CCDC47: variants seen among roughly 807,000 people sequenced by gnomAD.
The protein encoded by CCDC47 is coiled-coil domain containing 47.
Under a neutral mutation model 60.5 loss-of-function variants are expected in CCDC47, and 41 were observed. The ratio of observed to expected loss-of-function variants is 0.68; its 90% CI spans 0.53 to 0.88. The LOEUF (loss-of-function observed/expected upper bound fraction) is 0.88, where lower values mean the gene tolerates loss of function less well. Ranked by LOEUF, CCDC47 falls within the 40% of genes least tolerant of loss-of-function variation. CCDC47 has a pLI of 0.00. For synonymous variants in CCDC47, 195 were observed against 190.7 expected (o/e 1.02, Z -0.18); for missense variants, 513 against 580.9 (o/e 0.88, Z 1.20).
intron 12 of CCDC47, among the ~76,000 whole-genome samples, chr17:63,749,406 A>C (rs1016157610): frequency 6.6e-6 from 1 of 151,014 alleles, no homozygotes; most frequent in Non-Finnish European, 1.5e-5. Flanking sequence ...AACAAAACAA[A>C]ACAAAACAAA....
At chr17:63,748,921 C>T (rs991208491) in intron 12 of CCDC47, among the ~76,000 whole-genome samples, 3 of 148,958 alleles carry the variant, frequency 2.0e-5, no homozygotes, top group African/African-American at 2.5e-5. Flanking sequence ...GGCTGAGGCA[C>T]GAGAATCACT....
chr17:63,767,092 A>G, intron 1 of CCDC47: 1 of 185,106 alleles, frequency 5.4e-6, no homozygotes, highest in Non-Finnish European at 1.0e-5. Context: ...ACTAATAAGG[A>G]AAATGGGGCA....
In CCDC47 at chr17:63,756,503, G is replaced by C; in HGVS notation, c.803C>G (p.Ala268Gly). Residue 268 changes from alanine (A) to glycine (G), a missense_variant, in exon 7 of 13, where the codon GCC becomes GGC. Coordinates refer to ENST00000225726, the MANE Select transcript of CCDC47 (RefSeq NM_020198.3). ...TYVFAVGTRK[A>G]LVRLQKEMQD... is the part of the protein sequence containing the mutation. ...CATCTCTTTCTGTAGTCGCACCAAG[G>C]CTTTCCGTGTGCCAACAGCAAATAC... 1.2e-6 allele frequency: 2 copies of C among 1,613,924 alleles called. No individual in the cohort carries two copies. Among genetic ancestry groups the C allele is most frequent in the South Asian group, 2.2e-5 (2 of 91,082 alleles).
At chr17:63,757,340 C>T (rs1483448903) in intron 6 of CCDC47, among the ~76,000 whole-genome samples, 1 of 149,098 alleles carries the variant, frequency 6.7e-6, no homozygotes. Context: ...GCACTCCATG[C>T]TAGGTGACAG....
chr17:63,771,657 T>C (rs1287485761), intron 1 of CCDC47, among the ~76,000 whole-genome samples: 2 of 152,224 alleles, frequency 1.3e-5, no homozygotes, highest in Non-Finnish European at 2.9e-5. Flanking sequence ...TCCTCTAAAT[T>C]ACTACCTGTT....
chr17:63,765,736 A>G (rs1487467916), intron 2 of CCDC47, 176 bp downstream of exon 2: 1 of 1,402,886 alleles, frequency 7.1e-7, no homozygotes, highest in African/African-American at 1.5e-5. Context: ...AACACAATTC[A>G]TTCTGTTAAT....
At chr17:63,756,674 C>T (rs1214128346) in intron 6 of CCDC47, 104 bp from the exon 7 acceptor site, 32 of 742,610 alleles carry the variant, frequency 4.3e-5, no homozygotes, top group Non-Finnish European at 2.5e-5. Flanking sequence ...TGCATATACT[C>T]TCCCTTTAAG....
chr17:63,765,104 A>ACAATATATTCTC, intron 2 of CCDC47: 2 of 214,122 alleles, frequency 9.3e-6, no homozygotes, highest in Non-Finnish European at 1.5e-5. Context: ...AAGAGAATAT[A>ACAATATATTCTC]TTGTAAGTAT....
At chr17:63,747,322 G>GTA in intron 12 of CCDC47, 1 of 984,058 alleles carries the variant, frequency 1.0e-6, no homozygotes. Context: ...TATCATAAAT[G>GTA]TATAACTGCC....
intron 6 of CCDC47, among the ~76,000 whole-genome samples, chr17:63,757,268 A>G (rs1353187343): frequency 2.0e-5 from 3 of 151,394 alleles, no homozygotes; most frequent in Non-Finnish European, 4.4e-5. Context: ...GCTACTCAAG[A>G]GGCTGAGGCA....
At chr17:63,758,967 G>T (rs905667983) in intron 6 of CCDC47, among the ~76,000 whole-genome samples, 1 of 151,520 alleles carries the variant, frequency 6.6e-6, no homozygotes, top group Non-Finnish European at 1.5e-5. Flanking sequence ...AGAGAGAGAG[G>T]GAATGAGAAC....
chr17:63,747,897 C>T, intron 12 of CCDC47: 1 of 556,240 alleles, frequency 1.8e-6, no homozygotes, highest in Non-Finnish European at 2.3e-6. Flanking sequence ...CTGTGTCACC[C>T]AGGCTGGAGT....
At position 63,752,766 on chromosome 17, in the gene CCDC47, C is replaced by T. The variant is rs1199335321; in HGVS notation, c.1068G>A (p.Lys356=). 1.9e-6 allele frequency: 3 copies of T among 1,612,590 alleles called. No homozygotes were observed. Among genetic ancestry groups the T allele is most frequent in the Non-Finnish European group, 2.5e-6 (3 of 1,179,350 alleles). The change falls in exon 10 of 13, where the codon AAG becomes AAA. Residue 356 remains lysine, a synonymous_variant. Coordinates refer to ENST00000225726, the MANE Select transcript of CCDC47 (RefSeq NM_020198.3). ...CATTAAATGTAAACAACAGTGTCCT[C>T]TTAGTGTCAGGTAGCTTTAAAGGCT... ...EGQPLKLPDT[K]RTLLFTFNVP...
chr17:63,755,550 TA>T (rs1438156924), intron 8 of CCDC47, among the ~76,000 whole-genome samples: 1 of 150,196 alleles, frequency 6.7e-6, no homozygotes, highest in Non-Finnish European at 1.5e-5. Context: ...TTTCTCAAAA[TA>T]ATGGTCGAAA....
At chr17:63,758,729 A>C (rs2039226656) in intron 6 of CCDC47, among the ~76,000 whole-genome samples, 1 of 152,144 alleles carries the variant, frequency 6.6e-6, no homozygotes, top group African/African-American at 2.4e-5. Flanking sequence ...TATTAATTAC[A>C]TCTTTAAATG....
rs1207537810 is a variant in CCDC47 at position 63,746,205 on chromosome 17, A to G, written c.*676T>C. ...CACTGGTTCGTGGTATCAGGTAAGG[A>G]AAAAATGATGCTCCTGTCCCTAGAA... On this transcript the variant is annotated 3_prime_UTR_variant, in exon 13 of 13. Coordinates refer to ENST00000225726, the MANE Select transcript of CCDC47 (RefSeq NM_020198.3). The G allele has an allele frequency of 1.3e-5, 2 of 152,226 alleles. No homozygotes were observed. Among genetic ancestry groups the G allele is most frequent in the African/African-American group, 4.8e-5 (2 of 41,452 alleles). 9.4% of individuals were successfully genotyped at this position (152,226 alleles called of 1,614,324 possible). A position where few individuals can be genotyped will look rare whatever the true frequency, so the allele number is the denominator to read the frequency against.
chr17:63,751,473 T>C (rs866696190), intron 12 of CCDC47, among the ~76,000 whole-genome samples: 32 of 140,742 alleles, frequency 2.3e-4, no homozygotes, highest in Non-Finnish European at 1.1e-4. Flanking sequence ...AAATATAACA[T>C]ACTATACCCA....
intron 3 of CCDC47, among the ~76,000 whole-genome samples, chr17:63,764,518 C>T (rs1408528250): frequency 2.6e-5 from 4 of 151,634 alleles, no homozygotes; most frequent in Non-Finnish European, 4.4e-5. Flanking sequence ...AGTAGTAAAA[C>T]TAGAAGTGCT....
chr17:63,764,066 G>A lies in CCDC47; in HGVS notation c.497C>T (p.Ala166Val), dbSNP rs2039280171. The change falls in exon 4 of 13, where the codon GCC becomes GTC. Residue 166 changes from alanine to valine, a missense_variant. Coordinates refer to ENST00000225726, the MANE Select transcript of CCDC47 (RefSeq NM_020198.3). Reference sequence around the variant, plus strand: ...AAGCTCCCTATGAGTGTTAAACCAGGCCTGTGCAAGGCGACTGTTTTTATT... The same window carrying A: ...AAGCTCCCTATGAGTGTTAAACCAGACCTGTGCAAGGCGACTGTTTTTATT... Reference protein sequence around the residue: ...GKNKNSRLAQAWFNTHRELLE... With the variant: ...GKNKNSRLAQVWFNTHRELLE... 1 of 1,612,848 alleles carries A rather than the reference G, an allele frequency of 6.2e-7. No individual in the cohort carries two copies. The highest frequency in any genetic ancestry group is 1.1e-5 in the South Asian group (1 of 90,798).
Sources: gnomAD v4.1 joint callset for allele counts (sites outside exome capture counted in the v4.1 genomes callset) on GRCh38, gnomAD v4.1.1 for gene constraint, MANE v1.5 for transcripts, NCBI Gene and HGNC (gene_info 2026-07-23, HGNC 2026-07-21) for gene names.